Variants in PIGN observed in about 807,000 individuals in gnomAD.
The protein encoded by PIGN is GPI ethanolamine phosphate transferase 1.
In PIGN, 117 loss-of-function variants were observed where a neutral mutation model predicts 125.4. The observed-to-expected ratio is 0.93, with a 90% CI of 0.80 to 1.09. The LOEUF (loss-of-function observed/expected upper bound fraction) is 1.09. Among genes scored for constraint, PIGN ranks in the 50% least tolerant of loss-of-function variants. The pLI is 0.00. For missense variants in PIGN, 1,075 were observed against 1,094.9 expected (o/e 0.98, Z 0.26); for synonymous variants, 392 against 377.8 (o/e 1.04, Z -0.44).
chr18:62,131,767 C>T lies in PIGN; in HGVS notation c.1172+6476G>A, dbSNP rs141233692. On this transcript the variant is annotated intron_variant, in intron 14 of 30. Coordinates refer to ENST00000640252, the MANE Select transcript of PIGN (RefSeq NM_176787.5). ...ATTTTATTTTTCCTACGTCCTGAAA[C>T]ATTTGCTATTTCATTACCCTAGGAA... 4.4e-4 allele frequency among the ~76,000 whole-genome samples: 67 copies of T among 152,214 alleles called. No individual in the cohort carries two copies. In the East Asian group the frequency reaches 8.3e-3, roughly 19 times the overall value.
chr18:62,084,734 T>C (rs557769150), intron 26 of PIGN, 128 bp from the exon 27 acceptor site: 11 of 689,590 alleles, frequency 1.6e-5, no homozygotes, highest in African/African-American at 5.4e-5. Flanking sequence ...AACATCATAT[T>C]ATGAAGCCAC....
intron 23 of PIGN, among the ~76,000 whole-genome samples, chr18:62,024,726 G>A (rs750256715): frequency 3.3e-5 from 5 of 152,158 alleles, no homozygotes; most frequent in Non-Finnish European, 7.3e-5. Context: ...AGTGGCTCAC[G>A]TCTGTAATCC....
At chr18:62,114,450 T>A in intron 15 of PIGN, 111 bp downstream of exon 15, 1 of 684,124 alleles carries the variant, frequency 1.5e-6, no homozygotes. Flanking sequence ...ATGCAATCCT[T>A]CCTTGAGGGC....
At chr18:62,157,410 A>G (rs1487339990) in intron 5 of PIGN, among the ~76,000 whole-genome samples, 183 bp from the exon 6 acceptor site, 1 of 152,220 alleles carries the variant, frequency 6.6e-6, no homozygotes, top group Non-Finnish European at 1.5e-5. Flanking sequence ...TTACTTCTTA[A>G]TGAAATATAA....
intron 14 of PIGN, among the ~76,000 whole-genome samples, chr18:62,116,057 C>T (rs2035075962): frequency 6.6e-6 from 1 of 152,162 alleles, no homozygotes. Context: ...GGAAAATTCC[C>T]CACCACTGGA....
intron 23 of PIGN, among the ~76,000 whole-genome samples, chr18:62,030,625 G>T (rs906428978): frequency 6.6e-6 from 1 of 152,134 alleles, no homozygotes; most frequent in African/African-American, 2.4e-5. Flanking sequence ...AGGTTTATGT[G>T]CTGATATTTT....
At chr18:62,152,770 G>C (rs772193735) in intron 7 of PIGN, among the ~76,000 whole-genome samples, 3 of 151,950 alleles carry the variant, frequency 2.0e-5, no homozygotes, top group Non-Finnish European at 4.4e-5. Flanking sequence ...AAAGTCAAAA[G>C]AATCGTAAGT....
chr18:62,062,664 T>C (rs2032222859), intron 30 of PIGN, among the ~76,000 whole-genome samples: 1 of 152,078 alleles, frequency 6.6e-6, no homozygotes, highest in African/African-American at 2.4e-5. Flanking sequence ...TATCACGAAA[T>C]ATTCCTATAG....
chr18:62,132,838 G>A (rs1239134045), intron 14 of PIGN, among the ~76,000 whole-genome samples: 1 of 151,512 alleles, frequency 6.6e-6, no homozygotes, highest in Admixed American at 6.6e-5. Context: ...ATGAAATGAG[G>A]TTACAAGAGC....
chr18:62,184,443 A>T (rs543286931), intron 1 of PIGN: 1 of 152,316 alleles, frequency 6.6e-6, no homozygotes, highest in African/African-American at 2.4e-5. Flanking sequence ...GTAATTTTTA[A>T]TATTCCAGTG....
At chr18:62,139,887 G>C (rs570011307) in intron 12 of PIGN, among the ~76,000 whole-genome samples, 20 of 152,208 alleles carry the variant, frequency 1.3e-4, no homozygotes, top group African/African-American at 4.8e-4. Flanking sequence ...CTGGTTCCAG[G>C]TTATTACAAG....
intron 16 of PIGN, among the ~76,000 whole-genome samples, chr18:62,111,444 C>T (rs543480248): frequency 2.0e-5 from 3 of 152,086 alleles, no homozygotes; most frequent in South Asian, 4.2e-4. Context: ...TTCCTGTTAT[C>T]GTCACCCTAA....
At chr18:62,085,102 G>C in intron 26 of PIGN, 107 bp downstream of exon 26, 1 of 673,150 alleles carries the variant, frequency 1.5e-6, no homozygotes, top group Non-Finnish European at 2.6e-6. Flanking sequence ...AGTGAGACTT[G>C]GTCTCAAAAA....
At chr18:62,048,695 CTTTT>C (rs71160810) in intron 30 of PIGN, among the ~76,000 whole-genome samples, 3 of 139,668 alleles carry the variant, frequency 2.1e-5, no homozygotes, top group African/African-American at 7.9e-5. Context: ...GTTTTCTTTT[CTTTT>C]TTTTTTTTTA....
intron 14 of PIGN, among the ~76,000 whole-genome samples, chr18:62,134,835 TG>T: frequency 1.3e-5 from 2 of 152,248 alleles, no homozygotes; most frequent in Admixed American, 6.5e-5. Flanking sequence ...ATTTGAAGCA[TG>T]CTTTCTTGTA....
chr18:62,054,042 A>G (rs1375729243), intron 30 of PIGN, among the ~76,000 whole-genome samples: 2 of 152,224 alleles, frequency 1.3e-5, no homozygotes, highest in African/African-American at 4.8e-5. Flanking sequence ...AAACAGATTG[A>G]ATGTAATGAA....
chr18:62,110,039 A>T, intron 16 of PIGN, 66 bp from the exon 17 acceptor site: 3 of 1,484,414 alleles, frequency 2.0e-6, no homozygotes, highest in Non-Finnish European at 2.8e-6. Context: ...TTTAAAAGAG[A>T]TTTTATAAAG....
Position 62,158,016 on chromosome 18 carries a change from G to A in PIGN, c.222-208C>T, listed in dbSNP as rs2036804365. 15 of 483,944 alleles carry A rather than the reference G, an allele frequency of 3.1e-5. No homozygotes were observed. The South Asian group carries it at 4.0e-4, about 13-fold the overall frequency. 30.0% of individuals were successfully genotyped at this position (483,944 alleles called of 1,614,324 possible). A position where few individuals can be genotyped will look rare whatever the true frequency, so the allele number is the denominator to read the frequency against. On this transcript the variant is annotated intron_variant, in intron 4 of 30. Coordinates refer to ENST00000640252, the MANE Select transcript of PIGN (RefSeq NM_176787.5). ...CAGCAGCATGAATTTGCTGATGTAAGACCAAACAAAGAACCATTCAACCAC... is the reference window on the plus strand; with the variant it reads ...CAGCAGCATGAATTTGCTGATGTAAAACCAAACAAAGAACCATTCAACCAC...
intron 22 of PIGN, among the ~76,000 whole-genome samples, chr18:62,096,893 G>A (rs2034228710): frequency 2.0e-5 from 3 of 148,508 alleles, no homozygotes; most frequent in South Asian, 4.3e-4. Flanking sequence ...AGTATTCCAT[G>A]GTGTATATGT....
Sources: allele counts gnomAD v4.1 joint callset (sites outside exome capture counted in the v4.1 genomes callset), GRCh38; gene constraint gnomAD v4.1.1; transcripts MANE v1.5; gene names NCBI Gene and HGNC (gene_info 2026-07-23, HGNC 2026-07-21).